Variants in GPC5 observed in about 807,000 individuals in gnomAD.
GPC5 encodes the protein glypican 5, also known as glypican-5.
A neutral mutation model predicts 53.9 loss-of-function variants in GPC5; 47 were observed. The observed-to-expected ratio is 0.87, with a 90% CI of 0.69 to 1.11. GPC5 has a LOEUF of 1.11. Among genes scored for constraint, GPC5 ranks in the 50% most tolerant of loss-of-function variants. GPC5 has a pLI of 0.00. For missense variants in GPC5, 748 were observed against 713.1 expected (o/e 1.05, Z -0.56); for synonymous variants, 286 against 263.3 (o/e 1.09, Z -0.84).
At chr13:91,437,146 G>A (rs80116567) in intron 1 of GPC5, among the ~76,000 whole-genome samples, 1 of 152,036 alleles carries the variant, frequency 6.6e-6, no homozygotes, top group Non-Finnish European at 1.5e-5. Context: ...TATCCAATTT[G>A]CCAGTCCGTG....
intron 6 of GPC5, among the ~76,000 whole-genome samples, chr13:91,976,204 T>C (rs2040300038): frequency 6.6e-6 from 1 of 152,152 alleles, no homozygotes; most frequent in African/African-American, 2.4e-5. Flanking sequence ...CACACCAACA[T>C]GGCAACATGT....
chr13:92,656,918 C>T (rs1886156349), intron 7 of GPC5, among the ~76,000 whole-genome samples: 1 of 152,172 alleles, frequency 6.6e-6, no homozygotes, highest in Admixed American at 6.5e-5. Context: ...CTGCGATGAG[C>T]TATGCTCTCA....
chr13:91,689,184 AATATAT>A (rs1169911890), intron 2 of GPC5, among the ~76,000 whole-genome samples: 2,510 of 49,532 alleles, frequency 0.051, 53 homozygotes, highest in Non-Finnish European at 0.057. Flanking sequence ...ATCATATATA[AATATAT>A]ATATATATAT....
intron 2 of GPC5, among the ~76,000 whole-genome samples, chr13:91,523,977 A>T (rs1594206293): frequency 6.6e-6 from 1 of 151,984 alleles, no homozygotes; most frequent in Non-Finnish European, 1.5e-5. Context: ...TTAAAAATAT[A>T]TTAGAAAACT....
intron 7 of GPC5, among the ~76,000 whole-genome samples, chr13:92,258,984 C>T (rs776663525): frequency 1.4e-4 from 21 of 152,114 alleles, no homozygotes; most frequent in South Asian, 2.1e-4. Context: ...TTAAAATTTA[C>T]GTCTTGTGAG....
chr13:92,685,702 T>A (rs1887253600), intron 7 of GPC5, among the ~76,000 whole-genome samples: 1 of 102,122 alleles, frequency 9.8e-6, no homozygotes, highest in African/African-American at 4.0e-5. Flanking sequence ...CCCAATGCTA[T>A]CCCTCCCCCC....
chr13:92,042,355 T>C (rs973892678), intron 6 of GPC5, among the ~76,000 whole-genome samples: 6 of 152,148 alleles, frequency 3.9e-5, no homozygotes, highest in African/African-American at 1.4e-4. Flanking sequence ...CACCAGGGCC[T>C]CCAAGACATA....
intron 2 of GPC5, among the ~76,000 whole-genome samples, chr13:91,650,773 A>T (rs1473548417): frequency 1.9e-4 from 12 of 61,978 alleles, no homozygotes; most frequent in African/African-American, 7.4e-4. Context: ...TTTTTTTTTT[A>T]GCACAGAAGG....
At chr13:91,633,948 G>T (rs16946322) in intron 2 of GPC5, among the ~76,000 whole-genome samples, 8,860 of 152,166 alleles carry the variant, frequency 0.058, 409 homozygotes, top group South Asian at 0.23. Context: ...TAATTAGCAA[G>T]TTCATTTAGC....
chr13:91,571,760 T>C (rs527693460), intron 2 of GPC5, among the ~76,000 whole-genome samples: 5 of 85,592 alleles, frequency 5.8e-5, no homozygotes, highest in Non-Finnish European at 8.6e-5. Context: ...CACATATACA[T>C]GTGTATGTGT....
intron 7 of GPC5, among the ~76,000 whole-genome samples, chr13:92,239,335 A>G (rs1270687469): frequency 6.6e-6 from 1 of 151,948 alleles, no homozygotes; most frequent in Admixed American, 6.6e-5. Flanking sequence ...TTGTTTTTAC[A>G]TTTATTTAGG....
At chr13:91,781,712 C>T (rs757435545) in intron 5 of GPC5, among the ~76,000 whole-genome samples, 11 of 152,150 alleles carry the variant, frequency 7.2e-5, no homozygotes, top group African/African-American at 2.7e-4. Flanking sequence ...ACTGATAAGT[C>T]GAATCCACCC....
chr13:92,181,907 G>A (rs530838992), intron 7 of GPC5, among the ~76,000 whole-genome samples: 1 of 152,182 alleles, frequency 6.6e-6, no homozygotes, highest in Non-Finnish European at 1.5e-5. Context: ...AAGATTTAAA[G>A]GATAGATAAT....
chr13:92,717,103 G>A (rs185857910), intron 7 of GPC5, among the ~76,000 whole-genome samples: 1 of 151,916 alleles, frequency 6.6e-6, no homozygotes, highest in Non-Finnish European at 1.5e-5. Context: ...TTCTCAAACC[G>A]TATTCTTCTC....
rs1491301836 is a variant in GPC5, at chr13:92,033,074, T to TGTGTGTGTGTGTGC, written c.1402-111755_1402-111754insTGTGTGTGTGTGCG. Among the ~76,000 whole-genome samples the TGTGTGTGTGTGTGC allele has an allele frequency of 1.2e-3, 177 of 148,892 alleles. 1 individual carries two copies. Among genetic ancestry groups the TGTGTGTGTGTGTGC allele is most frequent in the African/African-American group, 4.0e-3 (163 of 40,808 alleles). On this transcript the variant is annotated intron_variant, in intron 6 of 7. Transcript: ENST00000377067. Reference sequence around the variant, plus strand: ...GTGTGTGTGTGTGTGTGTGTGTGTGTGCTTCTCATTGAACCATATCAGTTT... The same window carrying TGTGTGTGTGTGTGC: ...GTGTGTGTGTGTGTGTGTGTGTGTGTGTGTGTGTGTGTGCGCTTCTCATTGAACCATATCAGTTT...
chr13:91,984,126 C>T (rs1331180305), intron 6 of GPC5, among the ~76,000 whole-genome samples: 2 of 151,870 alleles, frequency 1.3e-5, no homozygotes, highest in East Asian at 3.9e-4. Flanking sequence ...TTCGGTGGTC[C>T]TCATACCACG....
At chr13:92,154,365 C>T (rs1225960602) in intron 7 of GPC5, among the ~76,000 whole-genome samples, 2 of 149,962 alleles carry the variant, frequency 1.3e-5, no homozygotes, top group African/African-American at 2.5e-5. Context: ...CAGGTTATTA[C>T]TTTTTTCTTT....
At chr13:91,824,647 C>T (rs1452999760) in intron 5 of GPC5, among the ~76,000 whole-genome samples, 1 of 151,878 alleles carries the variant, frequency 6.6e-6, no homozygotes, top group Non-Finnish European at 1.5e-5. Context: ...TTCAAAAATG[C>T]CTATCTCAGT....
intron 7 of GPC5, among the ~76,000 whole-genome samples, chr13:92,356,942 C>G (rs955547483): frequency 3.3e-5 from 5 of 152,186 alleles, no homozygotes; most frequent in African/African-American, 4.8e-5. Flanking sequence ...CGTTTAGTGA[C>G]AGTTTACAAG....
Sources: allele counts gnomAD v4.1 joint callset (sites outside exome capture counted in the v4.1 genomes callset), GRCh38; gene constraint gnomAD v4.1.1; transcripts MANE v1.5; gene names NCBI Gene and HGNC (gene_info 2026-07-23, HGNC 2026-07-21).